The following MRPS25 variants were observed in gnomAD, a reference collection of about 807,000 sequenced individuals.
MRPS25 encodes the protein mitochondrial ribosomal protein S25, also known as small ribosomal subunit protein mS25.
MRPS25 carries 15 observed loss-of-function variants against 17.3 expected under a neutral mutation model. That is an observed-to-expected ratio of 0.87 (90% confidence interval 0.58 to 1.34). MRPS25 has a LOEUF of 1.34. Ranked by LOEUF, MRPS25 falls within the 40% of genes most tolerant of loss-of-function variation. The probability of loss-of-function intolerance (pLI) is 0.00; values close to 1 mark genes in which losing one functional copy is unlikely to be tolerated. For synonymous variants in MRPS25, 94 were observed against 83.3 expected (o/e 1.13, Z -0.70); for missense variants, 225 against 218.6 (o/e 1.03, Z -0.19).
chr3:15,054,701 A>AG lies in MRPS25; in HGVS notation c.242-1235_242-1234insC, dbSNP rs1279851047. On this transcript the variant is annotated intron_variant, in intron 2 of 3. Transcript: ENST00000253686. ...AAACATAATCCATAAAAGAAAAAAA[A>AG]CTCTATAAATTGAAAAATCAAAATT... Among the ~76,000 whole-genome samples, 3 of 152,210 alleles carry AG rather than the reference A, an allele frequency of 2.0e-5. No individual in the cohort carries two copies. The East Asian group carries it at 5.8e-4, about 29-fold the overall frequency.
At chr3:15,064,165 C>T (rs759548579) in intron 1 of MRPS25, among the ~76,000 whole-genome samples, 22 of 152,168 alleles carry the variant, frequency 1.4e-4, no homozygotes, top group African/African-American at 5.3e-4. Flanking sequence ...AAAGTTTCTG[C>T]GGGCTAAGGC....
downstream of MRPS25, chr3:15,046,384 C>A (rs1307980067): frequency 6.6e-6 from 1 of 152,330 alleles, no homozygotes; most frequent in East Asian, 1.9e-4. Flanking sequence ...AAGGCAATAT[C>A]CACGCTACAC....
Position 15,050,619 on chromosome 3 carries a change from G to A in MRPS25, c.*1822C>T. ...TGGGGAACTGAAACCAGCAGACATGGGAGGGCTCTCTGTGGAGGAGAGCTT... is the reference window on the plus strand; with the variant it reads ...TGGGGAACTGAAACCAGCAGACATGAGAGGGCTCTCTGTGGAGGAGAGCTT... On this transcript the variant is annotated 3_prime_UTR_variant, in exon 4 of 4. Coordinates refer to ENST00000253686, the MANE Select transcript of MRPS25 (RefSeq NM_022497.5). 1 of 985,464 alleles carries A rather than the reference G, an allele frequency of 1.0e-6. No individual in the cohort carries two copies. Among genetic ancestry groups the A allele is most frequent in the Non-Finnish European group, 1.2e-6 (1 of 829,968 alleles). The allele number at this position is 985,464 out of a possible 1,614,324, so 61.0% of individuals were successfully genotyped here. A position where few individuals can be genotyped will look rare whatever the true frequency, so the allele number is the denominator to read the frequency against.
intron 2 of MRPS25, 29 bp from the exon 3 acceptor site, chr3:15,053,496 G>A (rs780808416): frequency 6.2e-6 from 10 of 1,614,066 alleles, no homozygotes; most frequent in Non-Finnish European, 8.5e-6. Flanking sequence ...GGGCAGAAGA[G>A]AAACAGAACT....
rs2042580836 is a variant in MRPS25, at chr3:15,050,075, C to CCAT, written c.*2363_*2365dup. On this transcript the variant is annotated 3_prime_UTR_variant, in exon 4 of 4. Coordinates refer to ENST00000253686, the MANE Select transcript of MRPS25 (RefSeq NM_022497.5). ...TCTCCCATTTCTGTATATTTTAAAC[C>CCAT]CATCTTTCATCACTACTAAACAAAA... 7.0e-7 allele frequency: 1 copy of CCAT among 1,427,874 alleles called. No homozygotes were observed. The allele number at this position is 1,427,874 out of a possible 1,614,324, so 88.5% of individuals were successfully genotyped here. A position where few individuals can be genotyped will look rare whatever the true frequency, so the allele number is the denominator to read the frequency against.
chr3:15,064,925 G>C, intron 1 of MRPS25, 136 bp downstream of exon 1: 1 of 1,110,242 alleles, frequency 9.0e-7, no homozygotes, highest in Non-Finnish European at 1.3e-6. Context: ...TCTGTAAAAT[G>C]GGGGTAACAG....
At chr3:15,058,282 C>T (rs1394723465) in intron 2 of MRPS25, among the ~76,000 whole-genome samples, 3 of 152,128 alleles carry the variant, frequency 2.0e-5, no homozygotes, top group Admixed American at 1.3e-4. Context: ...CTCCGCCTCC[C>T]AGGTTCACAC....
Position 15,065,059 on chromosome 3 carries a change from A to C in MRPS25, c.134+2T>G. On this transcript the variant is annotated splice_donor_variant, in intron 1 of 3. Coordinates refer to ENST00000253686, the MANE Select transcript of MRPS25 (RefSeq NM_022497.5). LOFTEE classifies it high-confidence loss of function. The stretch of plus-strand genomic sequence containing the variant: ...CGCCAGGCGGCCGGGGCTGCGACTG[A>C]CCTGGCGCCCTCGCCCAGCTCCCCA... The C allele has an allele frequency of 6.3e-7, 1 of 1,580,502 alleles. No individual in the cohort carries two copies. Among genetic ancestry groups the C allele is most frequent in the Non-Finnish European group, 8.6e-7 (1 of 1,166,954 alleles).
chr3:15,064,030 G>A (rs976089620), intron 1 of MRPS25, among the ~76,000 whole-genome samples: 1 of 152,220 alleles, frequency 6.6e-6, no homozygotes, highest in Non-Finnish European at 1.5e-5. Context: ...CAAATGGCTA[G>A]GAAGCGGCTT....
intron 2 of MRPS25, among the ~76,000 whole-genome samples, chr3:15,053,832 T>A (rs1380696626): frequency 6.6e-6 from 1 of 152,030 alleles, no homozygotes; most frequent in Non-Finnish European, 1.5e-5. Flanking sequence ...AGCCTAAAAT[T>A]CATATGGAAA....
intron 3 of MRPS25, 112 bp downstream of exon 3, chr3:15,053,268 C>T (rs977495879): frequency 2.6e-5 from 40 of 1,541,872 alleles, no homozygotes; most frequent in Non-Finnish European, 3.4e-5. Flanking sequence ...TAGTGTCTGG[C>T]GTTCACTGTC....
Position 15,051,537 on chromosome 3 carries a change from T to A in MRPS25, c.*904A>T, listed in dbSNP as rs1176086524. ...GAAGGCTCTGCTGTCTTCTGGAGGC[T>A]GAAACCTCCACTTTAGCATAACTAA... On this transcript the variant is annotated 3_prime_UTR_variant, in exon 4 of 4. Transcript: ENST00000253686. The A allele has an allele frequency of 2.0e-6, 2 of 985,282 alleles. No homozygotes were observed. Among genetic ancestry groups the A allele is most frequent in the Non-Finnish European group, 2.4e-6 (2 of 829,930 alleles). The allele number at this position is 985,282 out of a possible 1,614,324, so 61.0% of individuals were successfully genotyped here.
In MRPS25 at chr3:15,065,215, C is replaced by T. The variant is rs2042837919; in HGVS notation, c.-21G>A. ...GGCATGGCGGCAACGGTGGCGGGGC[C>T]GACCCCACGGGCCGCGAGCCGAGCA... is the stretch of plus-strand genomic sequence containing the variant. On this transcript the variant is annotated 5_prime_UTR_variant, in exon 1 of 4. Coordinates refer to ENST00000253686, the MANE Select transcript of MRPS25 (RefSeq NM_022497.5). The T allele has an allele frequency of 3.8e-6, 6 of 1,567,302 alleles. No homozygotes were observed. The highest frequency in any genetic ancestry group is 5.2e-6 in the Non-Finnish European group (6 of 1,159,174).
At chr3:15,064,572 A>T (rs2042828378) in intron 1 of MRPS25, among the ~76,000 whole-genome samples, 1 of 152,200 alleles carries the variant, frequency 6.6e-6, no homozygotes, top group African/African-American at 2.4e-5. Context: ...AGTGGGGATA[A>T]GCTGGGGTTT....
At chr3:15,060,437 C>T (rs925582739) in intron 1 of MRPS25, among the ~76,000 whole-genome samples, 1 of 148,200 alleles carries the variant, frequency 6.7e-6, no homozygotes, top group South Asian at 2.1e-4. Flanking sequence ...CGCTTAAGCC[C>T]GGGAGTTTGA....
intron 2 of MRPS25, among the ~76,000 whole-genome samples, chr3:15,058,374 A>G (rs1232227701): frequency 1.3e-5 from 2 of 152,130 alleles, no homozygotes; most frequent in African/African-American, 4.8e-5. Context: ...TATTTTTAGT[A>G]GAGACAGGGT....
At chr3:15,043,064 C>A, downstream of MRPS25, 1 of 1,503,100 alleles carries the variant, frequency 6.7e-7, no homozygotes, top group Middle Eastern at 1.8e-4. Flanking sequence ...CGTTCACATA[C>A]AAAGAAAAGT....
intron 2 of MRPS25, among the ~76,000 whole-genome samples, chr3:15,056,230 TCAAA>T (rs2042671880): frequency 1.3e-5 from 2 of 151,556 alleles, no homozygotes; most frequent in South Asian, 4.2e-4. Flanking sequence ...AAAAAAAGAT[TCAAA>T]CAGACTGTTT....
chr3:15,045,457 C>T (rs1683936733), downstream of MRPS25: 1 of 152,752 alleles, frequency 6.5e-6, no homozygotes, highest in Non-Finnish European at 1.5e-5. Context: ...TGGTCCTGCT[C>T]TTTAAGTCCC....
Sources: allele counts gnomAD v4.1 joint callset (sites outside exome capture counted in the v4.1 genomes callset), GRCh38; gene constraint gnomAD v4.1.1; transcripts MANE v1.5; gene names NCBI Gene and HGNC (gene_info 2026-07-23, HGNC 2026-07-21).